Variants in MAPKAPK2 observed in about 807,000 individuals in gnomAD.
MAPKAPK2 encodes MAP kinase-activated protein kinase 2.
Under a neutral mutation model 48.8 loss-of-function variants are expected in MAPKAPK2, and 9 were observed. The ratio of observed to expected loss-of-function variants is 0.18; its 90% confidence interval spans 0.11 to 0.32. The LOEUF is 0.32. MAPKAPK2 is among the 10% of genes least tolerant of loss of function. The probability of loss-of-function intolerance (pLI) is 1.00; values close to 1 mark genes in which losing one functional copy is unlikely to be tolerated. For missense variants in MAPKAPK2, 331 were observed against 498.3 expected (o/e 0.66, Z 3.20); for synonymous variants, 202 against 190.6 (o/e 1.06, Z -0.49).
At position 206,732,552 on chromosome 1, in the gene MAPKAPK2, T is replaced by C. The variant is rs1337797515; in HGVS notation, c.1060-23T>C. On this transcript the variant is annotated intron_variant, in intron 9 of 9. Coordinates refer to ENST00000367103, the MANE Select transcript of MAPKAPK2 (RefSeq NM_032960.4). This position sits in a 1 kb window ranked among gnomAD's most constrained non-coding sequence, Gnocchi z 4.4. Reference sequence around the variant, plus strand: ...TGTCTTCTGGCTCTCTCTGTACCCTTCCTGGTGCTGCCGTGCCCCCAGGAG... The same window carrying C: ...TGTCTTCTGGCTCTCTCTGTACCCTCCCTGGTGCTGCCGTGCCCCCAGGAG... 6.2e-7 allele frequency: 1 copy of C among 1,612,976 alleles called. No homozygotes were observed. Among genetic ancestry groups the C allele is most frequent in the Non-Finnish European group, 8.5e-7 (1 of 1,179,714 alleles).
intron 3 of MAPKAPK2, 119 bp from the exon 4 acceptor site, chr1:206,729,277 G>C: frequency 9.3e-7 from 1 of 1,079,530 alleles, no homozygotes; most frequent in Non-Finnish European, 1.4e-6. Flanking sequence ...TCTGGGGTGG[G>C]TGGTGGCTGT....
In MAPKAPK2 at chr1:206,710,413, A is replaced by C. The variant is rs369800778; in HGVS notation, c.280-18297A>C. Among the ~76,000 whole-genome samples the C allele has an allele frequency of 1.1e-3, 174 of 152,358 alleles. 1 individual carries two copies. Among genetic ancestry groups the C allele is most frequent in the African/African-American group, 4.1e-3 (170 of 41,590 alleles). On this transcript the variant is annotated intron_variant, in intron 1 of 9. Coordinates refer to ENST00000367103, the MANE Select transcript of MAPKAPK2 (RefSeq NM_032960.4). ...TGTCTCCTAGTGAGAAACTCGTGAC[A>C]TTTTACAAAAATGGACAATTGATGA...
chr1:206,703,893 C>T (rs1312184636), intron 1 of MAPKAPK2, among the ~76,000 whole-genome samples: 1 of 152,218 alleles, frequency 6.6e-6, no homozygotes, highest in Non-Finnish European at 1.5e-5. Context: ...GGGCAGCCTG[C>T]TAAAGAGGCA....
chr1:206,728,989 C>T (rs782333237), intron 2 of MAPKAPK2, 46 bp from the exon 3 acceptor site: 6 of 1,610,378 alleles, frequency 3.7e-6, no homozygotes, highest in South Asian at 2.2e-5. Flanking sequence ...TGGAGAGTGG[C>T]GGCGGGCTGT....
In MAPKAPK2 at chr1:206,704,273, T is replaced by C. The variant is rs913793760; in HGVS notation, c.279+18765T>C. Among the ~76,000 whole-genome samples, 1 of 152,234 alleles carries C rather than the reference T, an allele frequency of 6.6e-6. No individual in the cohort carries two copies. The highest frequency in any genetic ancestry group is 1.5e-5 in the Non-Finnish European group (1 of 68,046). On this transcript the variant is annotated intron_variant, in intron 1 of 9. Coordinates refer to ENST00000367103, the MANE Select transcript of MAPKAPK2 (RefSeq NM_032960.4). The surrounding 1 kb of genome is among the most constrained non-coding windows in gnomAD (Gnocchi z 4.3). ...CGCCTGTCTGAGTGTCTCTCACTCGTTGTTACCTGTCCATTTGTTACCTGG... is the reference window on the plus strand; with the variant it reads ...CGCCTGTCTGAGTGTCTCTCACTCGCTGTTACCTGTCCATTTGTTACCTGG...
chr1:206,730,220 C>A, intron 5 of MAPKAPK2, 122 bp downstream of exon 5: 1 of 1,192,706 alleles, frequency 8.4e-7, no homozygotes, highest in Non-Finnish European at 1.2e-6. Flanking sequence ...CCTTCTGGTG[C>A]TGGTTCTGCT....
intron 1 of MAPKAPK2, among the ~76,000 whole-genome samples, chr1:206,694,032 T>C (rs1411429247): frequency 3.9e-5 from 6 of 152,178 alleles, no homozygotes; most frequent in African/African-American, 1.4e-4. Flanking sequence ...CCTGGAGACT[T>C]GTGGAGCAAG....
At chr1:206,707,171 G>A (rs1192884751) in intron 1 of MAPKAPK2, among the ~76,000 whole-genome samples, 2 of 152,102 alleles carry the variant, frequency 1.3e-5, no homozygotes, top group Non-Finnish European at 2.9e-5. Flanking sequence ...CCTGCATGAT[G>A]AGGATCCCAG....
intron 1 of MAPKAPK2, among the ~76,000 whole-genome samples, chr1:206,711,536 C>G (rs577092521): frequency 6.6e-6 from 1 of 151,590 alleles, no homozygotes; most frequent in African/African-American, 2.4e-5. Context: ...CAGGTGTGAG[C>G]CACTGTGCCC....
At position 206,685,246 on chromosome 1, in the gene MAPKAPK2, A is replaced by T; in HGVS notation, c.17A>T (p.Gln6Leu). 1 of 596,040 alleles carries T rather than the reference A, an allele frequency of 1.7e-6. No homozygotes were observed. The highest frequency in any genetic ancestry group is 3.6e-5 in the South Asian group (1 of 27,618). 36.9% of individuals were successfully genotyped at this position (596,040 alleles called of 1,614,324 possible). The change falls in exon 1 of 10, where the codon CAG (glutamine) becomes CTG (leucine). Residue 6 changes from glutamine (Q) to leucine (L), a missense_variant. By Grantham distance (113) the Gln-to-Leu change is moderately radical (BLOSUM62 -2). Coordinates refer to ENST00000367103, the MANE Select transcript of MAPKAPK2 (RefSeq NM_032960.4). MLSNS[Q>L]GQSPPVPFPA... The stretch of plus-strand genomic sequence containing the variant: ...CCGGGCACCATGCTGTCCAACTCCC[A>T]GGGCCAGAGCCCGCCGGTGCCGTTC...
Position 206,733,508 on chromosome 1 carries a change from C to G in MAPKAPK2, c.*790C>G, listed in dbSNP as rs573281411. On this transcript the variant is annotated 3_prime_UTR_variant, in exon 10 of 10. Transcript: ENST00000367103. ...GAAACAGGCCCTCTGTGGCCTGTCT[C>G]TATTAGCTGGGTTCCGGGAGGCAGA... is the stretch of plus-strand genomic sequence containing the variant. The G allele has an allele frequency of 6.6e-6, 1 of 152,344 alleles. No homozygotes were observed. The highest frequency in any genetic ancestry group is 2.4e-5 in the African/African-American group (1 of 41,542). The allele number at this position is 152,344 out of a possible 1,614,324, so 9.4% of individuals were successfully genotyped here.
intron 1 of MAPKAPK2, among the ~76,000 whole-genome samples, chr1:206,707,875 A>G (rs1051973229): frequency 1.1e-4 from 16 of 152,216 alleles, no homozygotes; most frequent in African/African-American, 3.6e-4. Context: ...CATTTTGCCT[A>G]TGTGAAACCA....
intron 3 of MAPKAPK2, 39 bp downstream of exon 3, chr1:206,729,138 A>C (rs1553432274): frequency 1.2e-6 from 2 of 1,603,050 alleles, no homozygotes; most frequent in Admixed American, 3.3e-5. Context: ...GCAGGCAGGC[A>C]GGGCAGTGGG....
At chr1:206,728,050 G>A (rs1673763231) in intron 1 of MAPKAPK2, among the ~76,000 whole-genome samples, 1 of 152,158 alleles carries the variant, frequency 6.6e-6, no homozygotes, top group Non-Finnish European at 1.5e-5. Flanking sequence ...AGGCTGGTGA[G>A]AAGCCAGCCT....
At chr1:206,718,254 G>A (rs1302099659) in intron 1 of MAPKAPK2, among the ~76,000 whole-genome samples, 16 of 152,172 alleles carry the variant, frequency 1.1e-4, no homozygotes, top group African/African-American at 2.7e-4. Context: ...GATGTTGCCC[G>A]GGCGCTGTGG....
chr1:206,690,577 TTGA>T (rs1255656313), intron 1 of MAPKAPK2, among the ~76,000 whole-genome samples: 3 of 152,156 alleles, frequency 2.0e-5, no homozygotes, highest in African/African-American at 7.2e-5. Context: ...CCATCCATAA[TTGA>T]TGATTTTTCT....
At chr1:206,697,981 C>G (rs1672681958) in intron 1 of MAPKAPK2, among the ~76,000 whole-genome samples, 1 of 152,256 alleles carries the variant, frequency 6.6e-6, no homozygotes, top group African/African-American at 2.4e-5. Flanking sequence ...GCACCGAAAG[C>G]CTTTCATCAC....
At chr1:206,728,603 G>T in intron 1 of MAPKAPK2, 107 bp from the exon 2 acceptor site, 4 of 1,320,298 alleles carry the variant, frequency 3.0e-6, no homozygotes, top group Non-Finnish European at 4.2e-6. Context: ...GCCAGCAGGA[G>T]TGGGGGGTTT....
chr1:206,704,415 C>A lies in MAPKAPK2; in HGVS notation c.279+18907C>A, dbSNP rs782678816. Among the ~76,000 whole-genome samples, 1 of 152,198 alleles carries A rather than the reference C, an allele frequency of 6.6e-6. No homozygotes were observed. The highest frequency in any genetic ancestry group is 1.5e-5 in the Non-Finnish European group (1 of 68,046). On this transcript the variant is annotated intron_variant, in intron 1 of 9. Transcript: ENST00000367103. The surrounding 1 kb of genome is among the most constrained non-coding windows in gnomAD (Gnocchi z 4.3). Reference sequence around the variant, plus strand: ...AATTAGTGGTGGTGGTGGCTCAGCTCACCCAGACCATGTGTGATGGTTATG... The same window carrying A: ...AATTAGTGGTGGTGGTGGCTCAGCTAACCCAGACCATGTGTGATGGTTATG...
Sources: allele counts gnomAD v4.1 joint callset (sites outside exome capture counted in the v4.1 genomes callset), GRCh38; gene constraint gnomAD v4.1.1; non-coding constraint Gnocchi (gnomAD v3.1); transcripts MANE v1.5; gene names NCBI Gene and HGNC (gene_info 2026-07-23, HGNC 2026-07-21).